The following SP100 variants were observed in gnomAD, a reference collection of about 807,000 sequenced individuals.
SP100 encodes nuclear autoantigen Sp-100.
In SP100, 84 loss-of-function variants were observed where a neutral mutation model predicts 130.0. The ratio of observed to expected loss-of-function variants is 0.65; its 90% CI spans 0.54 to 0.77. The LOEUF is 0.77. Ranked by LOEUF, SP100 falls within the 30% of genes least tolerant of loss-of-function variation. The pLI is 0.00. For missense variants in SP100, 978 were observed against 1,052.2 expected (o/e 0.93, Z 0.97); for synonymous variants, 331 against 351.7 (o/e 0.94, Z 0.66).
chr2:230,450,355 C>G, intron 8 of SP100, 100 bp downstream of exon 8: 1 of 772,002 alleles, frequency 1.3e-6, no homozygotes, highest in South Asian at 1.7e-5. Flanking sequence ...ATCGTAACCA[C>G]TTTTTAAAAT....
At chr2:230,429,544 T>C (rs1247780359) in intron 2 of SP100, among the ~76,000 whole-genome samples, 1 of 152,200 alleles carries the variant, frequency 6.6e-6, no homozygotes, top group African/African-American at 2.4e-5. Context: ...ATGTACTTTC[T>C]GTTCATTTTC....
intron 23 of SP100, chr2:230,509,340 A>T (rs1373546794): frequency 6.6e-6 from 1 of 152,216 alleles, no homozygotes; most frequent in East Asian, 1.9e-4. Flanking sequence ...CATACCAGGA[A>T]GTCACAATCT....
chr2:230,436,972 GTGTATA>G (rs2149889165), intron 2 of SP100, among the ~76,000 whole-genome samples: 2 of 141,450 alleles, frequency 1.4e-5, no homozygotes, highest in South Asian at 2.3e-4. Context: ...ACATATATAT[GTGTATA>G]CACACACATA....
chr2:230,532,266 T>G (rs1691734426), intron 24 of SP100, among the ~76,000 whole-genome samples: 1 of 151,980 alleles, frequency 6.6e-6, no homozygotes, highest in Non-Finnish European at 1.5e-5. Flanking sequence ...TAATAGCACT[T>G]TTTTATTTTG....
Position 230,509,506 on chromosome 2 carries a change from T to C in SP100, c.2052+1475T>C, listed in dbSNP as rs1397354217. On this transcript the variant is annotated intron_variant, in intron 23 of 28. Transcript: ENST00000340126. ...CTACCCACTGCCAGACAGTCAAGGCTGATGCAGTCTGGGCTAATCAATTGA... is the reference window on the plus strand; with the variant it reads ...CTACCCACTGCCAGACAGTCAAGGCCGATGCAGTCTGGGCTAATCAATTGA... 5.9e-5 allele frequency: 9 copies of C among 152,238 alleles called. No individual in the cohort carries two copies. The East Asian group carries it at 1.7e-3, about 29-fold the overall frequency. 9.4% of individuals were successfully genotyped at this position (152,238 alleles called of 1,614,324 possible). A position where few individuals can be genotyped will look rare whatever the true frequency, so the allele number is the denominator to read the frequency against.
At chr2:230,541,234 T>C in intron 26 of SP100, 67 bp from the exon 27 acceptor site, 1 of 1,463,396 alleles carries the variant, frequency 6.8e-7, no homozygotes, top group South Asian at 1.2e-5. Context: ...GTGTTCTCTT[T>C]GGGCAAGCAT....
chr2:230,541,248 A>G (rs1692163046), intron 26 of SP100, 53 bp from the exon 27 acceptor site: 2 of 1,524,868 alleles, frequency 1.3e-6, no homozygotes, highest in African/African-American at 2.7e-5. Flanking sequence ...CAAGCATATG[A>G]GCTCTTTCTC....
intron 2 of SP100, among the ~76,000 whole-genome samples, chr2:230,433,766 C>T (rs1038187441): frequency 5.3e-5 from 8 of 151,072 alleles, no homozygotes; most frequent in African/African-American, 1.2e-4. Flanking sequence ...TTTGCAAACT[C>T]GACTTTTAAA....
At chr2:230,541,224 G>A in intron 26 of SP100, 77 bp from the exon 27 acceptor site, 2 of 1,395,224 alleles carry the variant, frequency 1.4e-6, no homozygotes, top group Non-Finnish European at 1.0e-6. Context: ...TGGGAGTCGT[G>A]TGTTCTCTTT....
chr2:230,487,304 G>A (rs2066155949), intron 17 of SP100, among the ~76,000 whole-genome samples: 1 of 152,172 alleles, frequency 6.6e-6, no homozygotes, highest in Non-Finnish European at 1.5e-5. Context: ...ATGGCTTTGG[G>A]TTATACATTT....
chr2:230,431,435 C>T (rs1006419146), intron 2 of SP100, among the ~76,000 whole-genome samples: 1 of 152,212 alleles, frequency 6.6e-6, no homozygotes, highest in Admixed American at 6.5e-5. Context: ...GAATCCATTC[C>T]TCTTACCCCT....
At chr2:230,539,911 G>A (rs1692100098) in intron 25 of SP100, among the ~76,000 whole-genome samples, 1 of 152,158 alleles carries the variant, frequency 6.6e-6, no homozygotes, top group Admixed American at 6.5e-5. Context: ...GATTGATAAG[G>A]TGCTCTGTGA....
intron 19 of SP100, among the ~76,000 whole-genome samples, chr2:230,501,129 C>A (rs1423764383): frequency 6.6e-6 from 1 of 152,088 alleles, no homozygotes; most frequent in African/African-American, 2.4e-5. Flanking sequence ...ATAATCCCAG[C>A]TACTTGGGAG....
chr2:230,446,721 G>GGGGA, intron 4 of SP100, 98 bp from the exon 5 acceptor site: 1 of 723,276 alleles, frequency 1.4e-6, no homozygotes, highest in Non-Finnish European at 2.3e-6. Context: ...TGAGCTCTGA[G>GGGGA]TCACCCAAGG....
At chr2:230,449,828 C>T in intron 7 of SP100, 118 bp downstream of exon 7, 13 of 1,059,284 alleles carry the variant, frequency 1.2e-5, no homozygotes, top group Non-Finnish European at 1.8e-5. Flanking sequence ...GGGAAAATCA[C>T]ATAGACACAG....
chr2:230,542,249 T>A (rs1692207168), intron 28 of SP100, among the ~76,000 whole-genome samples: 1 of 152,172 alleles, frequency 6.6e-6, no homozygotes, highest in South Asian at 2.1e-4. Flanking sequence ...CATGGTCCTA[T>A]ATATAACCTC....
chr2:230,468,454 C>G (rs1249536890), intron 13 of SP100, among the ~76,000 whole-genome samples: 2 of 152,098 alleles, frequency 1.3e-5, no homozygotes, highest in Non-Finnish European at 2.9e-5. Context: ...CAACTCAAGT[C>G]CAGATTCACT....
intron 4 of SP100, 118 bp downstream of exon 4, chr2:230,444,464 C>A: frequency 1.3e-6 from 1 of 760,612 alleles, no homozygotes; most frequent in Non-Finnish European, 2.2e-6. Flanking sequence ...GAGTAGTTAA[C>A]AAAATAGACA....
At chr2:230,488,332 T>C (rs557395385) in intron 17 of SP100, among the ~76,000 whole-genome samples, 9 of 152,336 alleles carry the variant, frequency 5.9e-5, no homozygotes, top group African/African-American at 1.7e-4. Flanking sequence ...TTGTCATAAA[T>C]AGCTCTTATT....
Sources: allele counts gnomAD v4.1 joint callset (sites outside exome capture counted in the v4.1 genomes callset), GRCh38; gene constraint gnomAD v4.1.1; transcripts MANE v1.5; gene names NCBI Gene and HGNC (gene_info 2026-07-23, HGNC 2026-07-21).